Variants in SMIM10L3 observed in about 807,000 individuals in gnomAD.
The protein encoded by SMIM10L3 is small integral membrane protein 10 like 3, also known as salivary gland specific protein SAGSIN1.
the SMIM10L3 span, among the ~76,000 whole-genome samples, chr7:6,337,809 A>G: frequency 2.6e-5 from 4 of 151,248 alleles, no homozygotes; most frequent in Non-Finnish European, 5.9e-5. Flanking sequence ...TTATTTATTT[A>G]TTTATTTATT....
the SMIM10L3 span, among the ~76,000 whole-genome samples, chr7:6,338,264 T>A: frequency 6.6e-6 from 1 of 152,210 alleles, no homozygotes. Flanking sequence ...AGTTTTTTCA[T>A]AGTTTTTTCT....
At chr7:6,330,772 C>G in the SMIM10L3 span, 7 of 1,614,126 alleles carry the variant, frequency 4.3e-6, no homozygotes, top group Non-Finnish European at 5.1e-6. Context: ...CAGCCAGTCT[C>G]GCCGCCCCAG....
At chr7:6,337,373 C>T in the SMIM10L3 span, among the ~76,000 whole-genome samples, 1 of 152,200 alleles carries the variant, frequency 6.6e-6, no homozygotes, top group Non-Finnish European at 1.5e-5. Flanking sequence ...CTACCCGCCT[C>T]AGCCTCCCAA....
chr7:6,330,486 T>G, the SMIM10L3 span: 1 of 1,614,178 alleles, frequency 6.2e-7, no homozygotes, highest in Admixed American at 1.7e-5. Context: ...ATTCTATTGT[T>G]TGCTTTGAAA....
At chr7:6,334,050 G>GCA in the SMIM10L3 span, among the ~76,000 whole-genome samples, 63 of 150,984 alleles carry the variant, frequency 4.2e-4, no homozygotes, top group South Asian at 2.1e-3. Flanking sequence ...GTTTCACCAT[G>GCA]TTAGCCAGGA....
At chr7:6,330,954 C>T in the SMIM10L3 span, 2 of 1,614,272 alleles carry the variant, frequency 1.2e-6, no homozygotes, top group African/African-American at 1.3e-5. Flanking sequence ...CGCTCGGATC[C>T]TTTCTCATTT....
At chr7:6,334,441 C>G in the SMIM10L3 span, among the ~76,000 whole-genome samples, 155 of 151,874 alleles carry the variant, frequency 1.0e-3, 2 homozygotes, top group Admixed American at 2.8e-3. Flanking sequence ...GAGGGTGAGG[C>G]AGGAGAACAG....
At chr7:6,339,607 C>G in the SMIM10L3 span, among the ~76,000 whole-genome samples, 1 of 151,840 alleles carries the variant, frequency 6.6e-6, no homozygotes, top group Non-Finnish European at 1.5e-5. Context: ...CCTCAGCCTC[C>G]GGAGTAGCTG....
chr7:6,347,879 C>A, the SMIM10L3 span, among the ~76,000 whole-genome samples: 1 of 112,500 alleles, frequency 8.9e-6, no homozygotes, highest in Non-Finnish European at 1.8e-5. Context: ...CATAACGAGA[C>A]CCCTTTATTA....
the SMIM10L3 span, chr7:6,341,796 A>C: frequency 6.6e-6 from 1 of 151,884 alleles, no homozygotes; most frequent in Non-Finnish European, 1.5e-5. Flanking sequence ...TCAGGGGTTC[A>C]AGACCAGCCT....
At chr7:6,331,685 G>C in the SMIM10L3 span, among the ~76,000 whole-genome samples, 3 of 151,638 alleles carry the variant, frequency 2.0e-5, no homozygotes, top group African/African-American at 7.2e-5. Context: ...CGGCCTAGTG[G>C]AGAACATTTC....
the SMIM10L3 span, among the ~76,000 whole-genome samples, chr7:6,336,005 T>C: frequency 6.6e-6 from 1 of 151,986 alleles, no homozygotes; most frequent in Non-Finnish European, 1.5e-5. Context: ...AAACCCCGTC[T>C]CTACTAAAAA....
chr7:6,331,279 G>A, the SMIM10L3 span: 1 of 947,688 alleles, frequency 1.1e-6, no homozygotes. Flanking sequence ...GAAGACACAT[G>A]GGTCTTAAGA....
chr7:6,347,764 C>A, the SMIM10L3 span, among the ~76,000 whole-genome samples: 1 of 151,822 alleles, frequency 6.6e-6, no homozygotes, highest in Admixed American at 6.6e-5. Context: ...TAACATAAAA[C>A]GTCTATGCAG....
At chr7:6,333,840 CTTTTTTT>C in the SMIM10L3 span, among the ~76,000 whole-genome samples, 18 of 96,844 alleles carry the variant, frequency 1.9e-4, no homozygotes, top group Admixed American at 1.1e-3. Flanking sequence ...CTCCTGGCCT[CTTTTTTT>C]TTTTTTTTTT....
chr7:6,337,584 A>AT, the SMIM10L3 span, among the ~76,000 whole-genome samples: 10 of 150,702 alleles, frequency 6.6e-5, no homozygotes, highest in East Asian at 1.8e-3. Flanking sequence ...ATACAGTACC[A>AT]TTATTTTTTT....
At chr7:6,336,235 A>G in the SMIM10L3 span, among the ~76,000 whole-genome samples, 5 of 151,752 alleles carry the variant, frequency 3.3e-5, no homozygotes, top group African/African-American at 1.2e-4. Flanking sequence ...AGTCCCAGTC[A>G]CTTGAGAGGC....
At chr7:6,332,254 C>G in the SMIM10L3 span, among the ~76,000 whole-genome samples, 1 of 152,058 alleles carries the variant, frequency 6.6e-6, no homozygotes, top group Non-Finnish European at 1.5e-5. Context: ...CTTTACAACT[C>G]TGTCATTTGC....
the SMIM10L3 span, among the ~76,000 whole-genome samples, chr7:6,339,923 C>T: frequency 9.9e-5 from 15 of 152,008 alleles, no homozygotes; most frequent in Admixed American, 9.2e-4. Context: ...CTCACTCTGC[C>T]GCCCAGGCTG....
Sources: allele counts gnomAD v4.1 joint callset (sites outside exome capture counted in the v4.1 genomes callset), GRCh38; gene constraint gnomAD v4.1.1; transcripts MANE v1.5; gene names NCBI Gene and HGNC (gene_info 2026-07-23, HGNC 2026-07-21).